Variants in KLRF1 observed in about 807,000 individuals in gnomAD.
KLRF1 encodes killer cell lectin-like receptor subfamily F member 1.
In KLRF1, 27 loss-of-function variants were observed where a neutral mutation model predicts 30.7. The observed-to-expected ratio is 0.88, with a 90% CI of 0.65 to 1.21. KLRF1 has a LOEUF of 1.21. Ranked by LOEUF, KLRF1 falls within the 50% of genes most tolerant of loss-of-function variation. KLRF1 has a pLI of 0.00. For synonymous variants in KLRF1, 92 were observed against 89.3 expected (o/e 1.03, Z -0.17); for missense variants, 246 against 259.3 (o/e 0.95, Z 0.35).
chr12:9,822,714 T>G (rs750069568), upstream of KLRF1, among the ~76,000 whole-genome samples: 1 of 152,206 alleles, frequency 6.6e-6, no homozygotes, highest in African/African-American at 2.4e-5. Context: ...GTATGCTATC[T>G]TCAGTAGAAC....
At chr12:9,810,296 C>G in the KLRF1 span, among the ~76,000 whole-genome samples, 1 of 152,080 alleles carries the variant, frequency 6.6e-6, no homozygotes, top group Non-Finnish European at 1.5e-5. Flanking sequence ...AGTTTCTGAG[C>G]CTGAACGGAA....
At chr12:9,830,062 A>G (rs1042345671) in intron 1 of KLRF1, among the ~76,000 whole-genome samples, 2 of 152,180 alleles carry the variant, frequency 1.3e-5, no homozygotes, top group African/African-American at 2.4e-5. Flanking sequence ...ATCCAAGCAC[A>G]TGATCAAATT....
At chr12:9,816,269 C>T in the KLRF1 span, among the ~76,000 whole-genome samples, 1 of 152,174 alleles carries the variant, frequency 6.6e-6, no homozygotes. Flanking sequence ...CCAGCACAAA[C>T]AAGATCTTGG....
At chr12:9,816,596 G>C in the KLRF1 span, among the ~76,000 whole-genome samples, 1 of 151,726 alleles carries the variant, frequency 6.6e-6, no homozygotes, top group East Asian at 1.9e-4. Flanking sequence ...TGATTACATG[G>C]CTCAGATAGT....
In KLRF1 at chr12:9,832,297, C is replaced by T. The variant is rs1867446300; in HGVS notation, c.86-19C>T. 2 of 1,336,652 alleles carry T rather than the reference C, an allele frequency of 1.5e-6. No individual in the cohort carries two copies. The highest frequency in any genetic ancestry group is 2.1e-6 in the Non-Finnish European group (2 of 930,588). 82.8% of individuals were successfully genotyped at this position (1,336,652 alleles called of 1,614,324 possible). The stretch of plus-strand genomic sequence containing the variant: ...GGAAGCATACTTTTCTAAACTAATT[C>T]ATGTGATTAATGTCTCAGATTATTC... On this transcript the variant is annotated intron_variant, in intron 1 of 5. Coordinates refer to ENST00000617889, the MANE Select transcript of KLRF1 (RefSeq NM_016523.3).
chr12:9,804,829 C>T, the KLRF1 span, among the ~76,000 whole-genome samples: 2 of 151,862 alleles, frequency 1.3e-5, no homozygotes, highest in East Asian at 1.9e-4. Context: ...CATTTGTTGA[C>T]TGTTTTCAGC....
chr12:9,825,719 A>AGAGT (rs1281087431), upstream of KLRF1, among the ~76,000 whole-genome samples: 3 of 152,352 alleles, frequency 2.0e-5, no homozygotes, highest in Non-Finnish European at 2.9e-5. Context: ...AACTATCAAC[A>AGAGT]GAGTGAACAG....
chr12:9,816,694 T>A, the KLRF1 span, among the ~76,000 whole-genome samples: 1 of 151,942 alleles, frequency 6.6e-6, no homozygotes, highest in Non-Finnish European at 1.5e-5. Flanking sequence ...GGTTTTTAAG[T>A]GTTGCCTCTA....
At chr12:9,824,396 A>G (rs969002702), upstream of KLRF1, among the ~76,000 whole-genome samples, 2 of 152,210 alleles carry the variant, frequency 1.3e-5, no homozygotes, top group Non-Finnish European at 2.9e-5. Flanking sequence ...TAGAAACAGT[A>G]AGAGGTTTCA....
chr12:9,831,144 T>C (rs1357845264), intron 1 of KLRF1, among the ~76,000 whole-genome samples: 1 of 151,998 alleles, frequency 6.6e-6, no homozygotes. Flanking sequence ...AATTATTTTT[T>C]AAGTTTTAAA....
At chr12:9,818,602 T>C in the KLRF1 span, among the ~76,000 whole-genome samples, 1 of 152,208 alleles carries the variant, frequency 6.6e-6, no homozygotes, top group African/African-American at 2.4e-5. Flanking sequence ...CCAAGCAGCA[T>C]CTAGTCCAAG....
the KLRF1 span, among the ~76,000 whole-genome samples, chr12:9,819,482 A>G: frequency 1.3e-5 from 2 of 152,130 alleles, no homozygotes; most frequent in Non-Finnish European, 2.9e-5. Context: ...AAGGTGACTA[A>G]GGATTGGAGA....
At chr12:9,820,910 C>G in the KLRF1 span, among the ~76,000 whole-genome samples, 8 of 152,154 alleles carry the variant, frequency 5.3e-5, no homozygotes, top group Admixed American at 2.0e-4. Context: ...ACTTACACCC[C>G]CTAACTCTTC....
At chr12:9,811,193 A>G in the KLRF1 span, among the ~76,000 whole-genome samples, 1 of 151,024 alleles carries the variant, frequency 6.6e-6, no homozygotes, top group South Asian at 2.1e-4. Flanking sequence ...AAAAAAAGGT[A>G]CCTGGGGAGT....
At chr12:9,842,477 G>C (rs368643344) in intron 5 of KLRF1, 44 bp downstream of exon 5, 1 of 1,576,860 alleles carries the variant, frequency 6.3e-7, no homozygotes, top group Non-Finnish European at 8.7e-7. Flanking sequence ...GTTTATTGTA[G>C]AATATGTCTC....
chr12:9,815,391 A>T, the KLRF1 span, among the ~76,000 whole-genome samples: 3 of 152,364 alleles, frequency 2.0e-5, no homozygotes, highest in South Asian at 6.2e-4. Context: ...AGAAGATTTG[A>T]CAAGAGGACT....
chr12:9,835,495 G>C (rs1397692495), intron 3 of KLRF1, among the ~76,000 whole-genome samples: 2 of 152,030 alleles, frequency 1.3e-5, no homozygotes, highest in African/African-American at 4.8e-5. Context: ...AAGTAAACAA[G>C]AAGAGGGCCT....
chr12:9,827,343 T>C (rs1867303403), upstream of KLRF1: 1 of 347,236 alleles, frequency 2.9e-6, no homozygotes, highest in Non-Finnish European at 5.2e-6. Context: ...ATCTATGTCA[T>C]GGGAAAGCAA....
rs1363037036 is a variant in KLRF1, at chr12:9,827,588, A to G, written c.44A>G (p.Lys15Arg). The G allele has an allele frequency of 6.2e-7, 1 of 1,609,532 alleles. No homozygotes were observed. The highest frequency in any genetic ancestry group is 1.3e-5 in the African/African-American group (1 of 74,754). Reference protein sequence around the residue: ...ERYMTLNVQSKKRSSAQTSQL... With the variant: ...ERYMTLNVQSRKRSSAQTSQL... ...TACATGACATTGAATGTACAGTCAA[A>G]GAAAAGGAGTTCTGCCCAAACATCT... The change falls in exon 1 of 6, where the codon AAG becomes AGG. Residue 15 changes from lysine (K) to arginine (R), a missense_variant. By Grantham distance (26) the Lys-to-Arg change is conservative. Transcript: ENST00000617889.
Sources: allele counts gnomAD v4.1 joint callset (sites outside exome capture counted in the v4.1 genomes callset), GRCh38; gene constraint gnomAD v4.1.1; transcripts MANE v1.5; gene names NCBI Gene and HGNC (gene_info 2026-07-23, HGNC 2026-07-21).